PPP2R5C: variants seen among roughly 807,000 people sequenced by gnomAD.
PPP2R5C encodes serine/threonine-protein phosphatase 2A 56 kDa regulatory subunit gamma isoform.
A neutral mutation model predicts 68.9 loss-of-function variants in PPP2R5C; 7 were observed. The ratio of observed to expected loss-of-function variants is 0.10; its 90% CI spans 0.06 to 0.19. The LOEUF is 0.19. Ranked by LOEUF, PPP2R5C falls within the 10% of genes least tolerant of loss-of-function variation. The pLI is 1.00. For missense variants in PPP2R5C, 348 were observed against 641.3 expected (o/e 0.54, Z 4.94); for synonymous variants, 210 against 222.2 (o/e 0.95, Z 0.49).
At chr14:101,904,170 C>G (rs575483923) in intron 9 of PPP2R5C, among the ~76,000 whole-genome samples, 1 of 152,102 alleles carries the variant, frequency 6.6e-6, no homozygotes, top group Admixed American at 6.5e-5. Context: ...GGTTTGTTTT[C>G]TTTTTAGACA....
intron 3 of PPP2R5C, among the ~76,000 whole-genome samples, chr14:101,800,747 A>G (rs565386153): frequency 1.3e-5 from 2 of 152,272 alleles, no homozygotes; most frequent in African/African-American, 2.4e-5. Flanking sequence ...GAAAATCAGT[A>G]TATCACAGGG....
chr14:101,776,301 C>T (rs898616850), intron 2 of PPP2R5C, among the ~76,000 whole-genome samples: 1 of 152,112 alleles, frequency 6.6e-6, no homozygotes, highest in Non-Finnish European at 1.5e-5. Flanking sequence ...TTCCCTGTAA[C>T]CAGCATTCCA....
intron 2 of PPP2R5C, chr14:101,766,621 A>G (rs1262485784): frequency 6.6e-6 from 1 of 152,182 alleles, no homozygotes; most frequent in Non-Finnish European, 1.5e-5. Flanking sequence ...TTTCAGATAG[A>G]ATGGTTAATT....
At chr14:101,832,861 A>G (rs1054041519) in intron 1 of PPP2R5C, among the ~76,000 whole-genome samples, 1 of 152,190 alleles carries the variant, frequency 6.6e-6, no homozygotes. Context: ...GCATTTACTC[A>G]GTAACATAAT....
At chr14:101,778,260 A>G (rs751518666) in intron 2 of PPP2R5C, among the ~76,000 whole-genome samples, 1 of 151,814 alleles carries the variant, frequency 6.6e-6, no homozygotes, top group Non-Finnish European at 1.5e-5. Context: ...CCATTTTTTA[A>G]TCGGGTTTTC....
chr14:101,921,989 C>T (rs751495790), intron 13 of PPP2R5C: 37 of 984,994 alleles, frequency 3.8e-5, no homozygotes, highest in Admixed American at 6.2e-5. Context: ...AACAGTTGGT[C>T]GGGAGAAAAG....
intron 13 of PPP2R5C, among the ~76,000 whole-genome samples, chr14:101,919,607 A>G (rs1279613146): frequency 6.6e-6 from 1 of 152,172 alleles, no homozygotes. Flanking sequence ...CTCTTCTGTG[A>G]GGGAACCTGC....
At chr14:101,836,024 G>A in intron 1 of PPP2R5C, 2 of 595,722 alleles carry the variant, frequency 3.4e-6, no homozygotes, top group Non-Finnish European at 6.0e-6. Context: ...AGAATTAAAA[G>A]TGAAAATAGT....
exon 14 of PPP2R5C, chr14:101,925,150 G>T: frequency 6.2e-7 from 1 of 1,614,076 alleles, no homozygotes; most frequent in Non-Finnish European, 8.5e-7. Context: ...GGCACAGAAA[G>T]ATCCGAAGAA....
rs139932726 is a variant in PPP2R5C, at chr14:101,830,422, C to G, written c.94+20386C>G. ...CATTGTGCCCTTGGTGGTTGTGACC[C>G]GATTCAGTCCTGCTTTGAGGCTGAG... On this transcript the variant is annotated intron_variant, in intron 1 of 13. Transcript: ENST00000334743. Among the ~76,000 whole-genome samples, 68 of 152,274 alleles carry G rather than the reference C, an allele frequency of 4.5e-4. 1 individual carries two copies. In the East Asian group the frequency reaches 0.011, roughly 25 times the overall value.
chr14:101,781,927 C>A lies in PPP2R5C; in HGVS notation c.94-4091C>A, dbSNP rs2037719833. 6.6e-6 allele frequency among the ~76,000 whole-genome samples: 1 copy of A among 151,856 alleles called. No homozygotes were observed. Among genetic ancestry groups the A allele is most frequent in the African/African-American group, 2.4e-5 (1 of 41,328 alleles). ...CTAGCACCCGCTCCCGCTCCCACCT[C>A]GTCTGCGCCCACCCGCTCTGGGCAG... On this transcript the variant is annotated intron_variant, in intron 2 of 14. Transcript: ENST00000328724. The surrounding 1 kb of genome is among the most constrained non-coding windows in gnomAD (Gnocchi z 6.4).
intron 1 of PPP2R5C, among the ~76,000 whole-genome samples, chr14:101,811,394 A>G (rs1239420122): frequency 4.6e-5 from 7 of 152,194 alleles, no homozygotes; most frequent in Non-Finnish European, 7.4e-5. Context: ...AGGCTGGAGT[A>G]CAGTGGTATG....
At chr14:101,821,540 T>C (rs893524321) in intron 1 of PPP2R5C, among the ~76,000 whole-genome samples, 2 of 151,974 alleles carry the variant, frequency 1.3e-5, no homozygotes, top group African/African-American at 4.8e-5. Context: ...TATAGCATTT[T>C]TTGTTTCATT....
intron 9 of PPP2R5C, among the ~76,000 whole-genome samples, chr14:101,904,751 C>T (rs2045928753): frequency 6.6e-6 from 1 of 152,212 alleles, no homozygotes; most frequent in African/African-American, 2.4e-5. Flanking sequence ...GGAGAAGCGT[C>T]AGCCCCATGC....
Position 101,882,023 on chromosome 14 carries a change from C to A in PPP2R5C, c.295-138C>A. On this transcript the variant is annotated intron_variant, in intron 2 of 13. Transcript: ENST00000334743. The surrounding 1 kb of genome is among the most constrained non-coding windows in gnomAD (Gnocchi z 4.9). The stretch of plus-strand genomic sequence containing the variant: ...AGGCTCTCTCTGAGGACCCACACAG[C>A]TTCTGCGTTTTGAGGATACGGAGGA... 1.6e-6 allele frequency: 1 copy of A among 638,722 alleles called. No homozygotes were observed. Among genetic ancestry groups the A allele is most frequent in the Non-Finnish European group, 2.5e-6 (1 of 393,528 alleles). The allele number at this position is 638,722 out of a possible 1,614,324, so 39.6% of individuals were successfully genotyped here.
chr14:101,780,949 A>G (rs1008318178), intron 2 of PPP2R5C, among the ~76,000 whole-genome samples: 3 of 152,050 alleles, frequency 2.0e-5, no homozygotes, highest in African/African-American at 7.3e-5. Context: ...TGACTGGGTG[A>G]TTTCAGGCGC....
chr14:101,922,276 G>T, intron 13 of PPP2R5C: 1 of 816,120 alleles, frequency 1.2e-6, no homozygotes, highest in Non-Finnish European at 1.5e-6. Context: ...ATCACCTGAG[G>T]TCAGGAGTTC....
rs554254777 is a variant in PPP2R5C, at chr14:101,818,533, G to A, written c.94+8497G>A. ...GCCTGTAATCCCAGCTACTAGGGAG[G>A]TTGAGGCAGGAGAATCACTTAAACC... On this transcript the variant is annotated intron_variant, in intron 1 of 13. Coordinates refer to ENST00000334743, the Ensembl canonical transcript of PPP2R5C. 7.6e-5 allele frequency: 12 copies of A among 156,908 alleles called. No individual in the cohort carries two copies. In the South Asian group the frequency reaches 2.2e-3, roughly 29 times the overall value. The allele number at this position is 156,908 out of a possible 1,614,324, so 9.7% of individuals were successfully genotyped here. A position where few individuals can be genotyped will look rare whatever the true frequency, so the allele number is the denominator to read the frequency against.
rs8012199 is a variant in PPP2R5C, at chr14:101,781,505, C to A, written c.94-4513C>A. 6.6e-6 allele frequency among the ~76,000 whole-genome samples: 1 copy of A among 152,096 alleles called. No individual in the cohort carries two copies. The highest frequency in any genetic ancestry group is 1.5e-5 in the Non-Finnish European group (1 of 67,972). ...CTCCTGCCGCCCCCCAGCCTCCCCG[C>A]CCCTGCCCTTGCCAGCCTGCGCCTT... is the stretch of plus-strand genomic sequence containing the variant. On this transcript the variant is annotated intron_variant, in intron 2 of 14. Transcript: ENST00000328724. The surrounding 1 kb of genome is among the most constrained non-coding windows in gnomAD (Gnocchi z 6.4).
Sources: gnomAD v4.1 joint callset for allele counts (sites outside exome capture counted in the v4.1 genomes callset) on GRCh38, gnomAD v4.1.1 for gene constraint, Gnocchi (gnomAD v3.1) non-coding constraint, MANE v1.5 for transcripts, NCBI Gene and HGNC (gene_info 2026-07-23, HGNC 2026-07-21) for gene names.